Variants in IQCK observed in about 807,000 individuals in gnomAD.
IQCK encodes the protein IQ domain-containing protein K.
Under a neutral mutation model 28.1 loss-of-function variants are expected in IQCK, and 29 were observed. That is an observed-to-expected ratio of 1.03 (90% CI 0.77 to 1.41). The LOEUF (loss-of-function observed/expected upper bound fraction) is 1.41. Among genes scored for constraint, IQCK ranks in the 40% most tolerant of loss-of-function variants. The pLI is 0.00. For missense variants in IQCK, 359 were observed against 314.7 expected (o/e 1.14, Z -1.07); for synonymous variants, 113 against 115.1 (o/e 0.98, Z 0.12).
chr16:19,840,955 C>T (rs1350101079), intron 9 of IQCK, among the ~76,000 whole-genome samples: 2 of 152,180 alleles, frequency 1.3e-5, no homozygotes, highest in African/African-American at 4.8e-5. Flanking sequence ...AACGATCCCG[C>T]CCACCAAATT....
At chr16:19,785,750 G>A (rs1157920549) in intron 6 of IQCK, among the ~76,000 whole-genome samples, 1 of 152,156 alleles carries the variant, frequency 6.6e-6, no homozygotes, top group African/African-American at 2.4e-5. Context: ...GTGGCCAAAG[G>A]GAAACTTCTA....
intron 6 of IQCK, among the ~76,000 whole-genome samples, chr16:19,768,090 C>T (rs2055268218): frequency 6.8e-6 from 1 of 147,756 alleles, no homozygotes; most frequent in Non-Finnish European, 1.5e-5. Context: ...ATCCATAGGA[C>T]AGAAAAAGTA....
chr16:19,720,882 G>A lies in IQCK; in HGVS notation c.181+2395G>A, dbSNP rs752820351. On this transcript the variant is annotated intron_variant, in intron 1 of 7. Coordinates refer to ENST00000564186, the Ensembl canonical transcript of IQCK. The stretch of plus-strand genomic sequence containing the variant: ...AAATATAAAAACTAAGTCAGGCTTG[G>A]TGGTGGGTAATCCCAGCTACTCAGG... Among the ~76,000 whole-genome samples, 114 of 152,220 alleles carry A rather than the reference G, an allele frequency of 7.5e-4. 1 individual carries two copies. The highest frequency in any genetic ancestry group is 1.3e-3 in the Non-Finnish European group (91 of 68,002).
chr16:19,836,147 C>T (rs2056293738), intron 9 of IQCK, among the ~76,000 whole-genome samples: 1 of 152,184 alleles, frequency 6.6e-6, no homozygotes, highest in Admixed American at 6.5e-5. Flanking sequence ...GACCATGGCT[C>T]CTTCAGAAGA....
intron 4 of IQCK, among the ~76,000 whole-genome samples, chr16:19,756,915 GAA>G (rs940145028): frequency 2.5e-4 from 33 of 132,748 alleles, no homozygotes; most frequent in Non-Finnish European, 4.0e-4. Flanking sequence ...AAAAAAAAAA[GAA>G]AGAGGCTCCA....
At chr16:19,818,815 G>A (rs1419587694) in intron 7 of IQCK, among the ~76,000 whole-genome samples, 2 of 152,036 alleles carry the variant, frequency 1.3e-5, no homozygotes, top group Admixed American at 1.3e-4. Flanking sequence ...AAAATCAGTT[G>A]AATGGTTTTC....
chr16:19,819,417 C>G (rs1384629408), intron 7 of IQCK: 1 of 151,714 alleles, frequency 6.6e-6, no homozygotes, highest in Non-Finnish European at 1.5e-5. Flanking sequence ...TGCTTGAATC[C>G]GGGAGGTGGA....
intron 4 of IQCK, among the ~76,000 whole-genome samples, chr16:19,757,285 T>C (rs2055065631): frequency 6.6e-6 from 1 of 152,246 alleles, no homozygotes; most frequent in Non-Finnish European, 1.5e-5. Flanking sequence ...TAGCTGTTTC[T>C]CTTCTCAGCC....
At chr16:19,756,896 CAA>C (rs34600488) in intron 4 of IQCK, among the ~76,000 whole-genome samples, 33 of 96,148 alleles carry the variant, frequency 3.4e-4, no homozygotes, top group Admixed American at 4.8e-4. Flanking sequence ...GGCTCCATGT[CAA>C]AAAAAAAAAA....
intron 6 of IQCK, among the ~76,000 whole-genome samples, chr16:19,786,955 A>G (rs1201029490): frequency 2.6e-5 from 2 of 77,822 alleles, no homozygotes; most frequent in Non-Finnish European, 4.2e-5. Flanking sequence ...TCTCTTAGAA[A>G]GGACCTGTCC....
chr16:19,763,947 G>A (rs10500403), intron 5 of IQCK, 47 bp downstream of exon 5: 7 of 1,595,242 alleles, frequency 4.4e-6, no homozygotes, highest in Admixed American at 1.7e-5. Flanking sequence ...GAATTCAGTC[G>A]TGTTAATTTG....
intron 6 of IQCK, among the ~76,000 whole-genome samples, chr16:19,783,652 G>C (rs934871722): frequency 6.6e-6 from 1 of 152,130 alleles, no homozygotes; most frequent in African/African-American, 2.4e-5. Context: ...TGAAATGATT[G>C]ATAATTCCCA....
chr16:19,722,996 G>A (rs1462826318), intron 1 of IQCK, among the ~76,000 whole-genome samples: 1 of 152,174 alleles, frequency 6.6e-6, no homozygotes, highest in Non-Finnish European at 1.5e-5. Context: ...ACAGGCGTGA[G>A]CTACCGCATC....
At chr16:19,721,398 A>G (rs1977490733) in intron 1 of IQCK, among the ~76,000 whole-genome samples, 1 of 152,162 alleles carries the variant, frequency 6.6e-6, no homozygotes, top group Admixed American at 6.5e-5. Flanking sequence ...ACTTATTTGT[A>G]AATATTCTTC....
At chr16:19,761,156 C>T (rs1004859163) in intron 4 of IQCK, 1 of 309,600 alleles carries the variant, frequency 3.2e-6, no homozygotes, top group African/African-American at 2.2e-5. Context: ...GAATGCAGCC[C>T]AATAGGTCTC....
rs188583643 is a variant in IQCK, at chr16:19,751,799, A to G, written c.475-12049A>G. On this transcript the variant is annotated intron_variant, in intron 4 of 7. Coordinates refer to ENST00000564186, the Ensembl canonical transcript of IQCK. ...GTGTGCAAATAATTTTGATCCTGAG[A>G]TCAAAATCTGTGGGAGTAGAGTTTG... 2.0e-5 allele frequency among the ~76,000 whole-genome samples: 3 copies of G among 152,216 alleles called. No homozygotes were observed. In the East Asian group the frequency reaches 5.8e-4, roughly 30 times the overall value.
intron 9 of IQCK, among the ~76,000 whole-genome samples, chr16:19,833,660 G>C (rs1214716414): frequency 2.6e-5 from 4 of 152,186 alleles, no homozygotes. Context: ...GCCCAGAGTA[G>C]AGGGTGGAGA....
At chr16:19,741,246 G>A (rs1224405608) in intron 4 of IQCK, among the ~76,000 whole-genome samples, 2 of 152,090 alleles carry the variant, frequency 1.3e-5, no homozygotes, top group Non-Finnish European at 2.9e-5. Flanking sequence ...TCTGTAGCTG[G>A]GGATTCATTT....
chr16:19,845,328 T>G (rs2056405276), intron 9 of IQCK, among the ~76,000 whole-genome samples: 1 of 152,256 alleles, frequency 6.6e-6, no homozygotes, highest in African/African-American at 2.4e-5. Flanking sequence ...TATACAGAGC[T>G]TCTGCCAGTC....
Sources: allele counts gnomAD v4.1 joint callset (sites outside exome capture counted in the v4.1 genomes callset), GRCh38; gene constraint gnomAD v4.1.1; transcripts MANE v1.5; gene names NCBI Gene and HGNC (gene_info 2026-07-23, HGNC 2026-07-21).